PON3: variants seen among roughly 807,000 people sequenced by gnomAD.
PON3 encodes the protein paraoxonase 3, also known as serum paraoxonase/lactonase 3.
PON3 carries 37 observed loss-of-function variants against 36.3 expected under a neutral mutation model. The ratio of observed to expected loss-of-function variants is 1.02; its 90% CI spans 0.78 to 1.34. The LOEUF is 1.34. Ranked by LOEUF, PON3 falls within the 40% of genes most tolerant of loss-of-function variation. The probability of loss-of-function intolerance (pLI) is 0.00; values close to 1 mark genes in which losing one functional copy is unlikely to be tolerated. For missense variants in PON3, 415 were observed against 426.5 expected (o/e 0.97, Z 0.24); for synonymous variants, 155 against 154.8 (o/e 1.00, Z -0.01).
intron 5 of PON3, among the ~76,000 whole-genome samples, chr7:95,367,060 G>A (rs972547399): frequency 1.8e-4 from 28 of 152,196 alleles, no homozygotes; most frequent in African/African-American, 5.1e-4. Flanking sequence ...AACAGAGACC[G>A]ATAGTAGGTA....
intron 3 of PON3, among the ~76,000 whole-genome samples, chr7:95,378,967 T>TAA (rs771826546): frequency 1.3e-5 from 2 of 151,670 alleles, no homozygotes; most frequent in South Asian, 4.2e-4. Flanking sequence ...GCAAATTGGA[T>TAA]AGAGTCAAGA....
Position 95,390,210 on chromosome 7 carries a change from C to G in PON3, c.146-1G>C, listed in dbSNP as rs1191905203. On this transcript the variant is annotated splice_acceptor_variant, in intron 2 of 8. Coordinates refer to ENST00000265627, the MANE Select transcript of PON3 (RefSeq NM_000940.3). LOFTEE classifies it high-confidence loss of function. ...ATATCAATATCTTCAGAGCCACTTT[C>G]TGCAAAAGAAGGGTAGAATCAGAAA... 1.2e-6 allele frequency: 2 copies of G among 1,610,104 alleles called. No homozygotes were observed. Among genetic ancestry groups the G allele is most frequent in the East Asian group, 4.5e-5 (2 of 44,864 alleles).
In PON3 at chr7:95,378,729, G is replaced by A. The variant is rs574153790; in HGVS notation, c.202-6391C>T. Among the ~76,000 whole-genome samples, 227 of 152,254 alleles carry A rather than the reference G, an allele frequency of 1.5e-3. 1 individual carries two copies. Among genetic ancestry groups the A allele is most frequent in the Middle Eastern group, 6.8e-3 (2 of 294 alleles). On this transcript the variant is annotated intron_variant, in intron 3 of 8. Transcript: ENST00000265627. ...GAGAGATTCTGTCACTGCCAGGCCT[G>A]CCTTACAAGAGCTCCTGAAGGAAGC...
At chr7:95,379,284 G>A (rs1286155689) in intron 3 of PON3, among the ~76,000 whole-genome samples, 1 of 152,250 alleles carries the variant, frequency 6.6e-6, no homozygotes, top group East Asian at 1.9e-4. Context: ...GAGCGACACA[G>A]AAGACTGGTG....
Position 95,396,361 on chromosome 7 carries a change from T to G in PON3, c.-11A>C. Reference sequence around the variant, plus strand: ...CACGAGCTTCCCCATGGTCTCGGGGTGCCCAGCGGCGACTGCGCGGCGCCG... The same window carrying G: ...CACGAGCTTCCCCATGGTCTCGGGGGGCCCAGCGGCGACTGCGCGGCGCCG... On this transcript the variant is annotated 5_prime_UTR_variant, in exon 1 of 9. Transcript: ENST00000265627. 1 of 1,612,904 alleles carries G rather than the reference T, an allele frequency of 6.2e-7. No individual in the cohort carries two copies. The highest frequency in any genetic ancestry group is 8.5e-7 in the Non-Finnish European group (1 of 1,179,490).
chr7:95,388,240 A>G (rs752142821), intron 3 of PON3, among the ~76,000 whole-genome samples: 8 of 152,228 alleles, frequency 5.3e-5, no homozygotes, highest in African/African-American at 9.7e-5. Context: ...AAACAAATTT[A>G]CAAGAAAAAA....
chr7:95,387,661 C>T (rs1809227260), intron 3 of PON3, among the ~76,000 whole-genome samples: 2 of 152,258 alleles, frequency 1.3e-5, no homozygotes, highest in East Asian at 1.9e-4. Flanking sequence ...CAAATAAGGG[C>T]CCGCATAGCC....
chr7:95,367,291 G>A (rs943423851), intron 5 of PON3, 71 bp downstream of exon 5: 18 of 1,579,574 alleles, frequency 1.1e-5, no homozygotes, highest in East Asian at 1.1e-4. Flanking sequence ...AAAGCCTGCT[G>A]AACCAAAAAA....
chr7:95,362,708 A>G (rs1808599333), intron 7 of PON3, 52 bp downstream of exon 7: 2 of 1,490,466 alleles, frequency 1.3e-6, no homozygotes, highest in Admixed American at 1.7e-5. Flanking sequence ...TGGGTCAAGT[A>G]TGGGACTAAG....
intron 2 of PON3, among the ~76,000 whole-genome samples, chr7:95,390,599 G>T (rs1809297023): frequency 6.6e-6 from 1 of 152,114 alleles, no homozygotes; most frequent in Non-Finnish European, 1.5e-5. Flanking sequence ...TAATCGTGAA[G>T]GTCTTTTATT....
At chr7:95,385,101 G>A (rs1003283361) in intron 3 of PON3, among the ~76,000 whole-genome samples, 7 of 152,004 alleles carry the variant, frequency 4.6e-5, no homozygotes, top group East Asian at 1.9e-4. Flanking sequence ...ACTATCGCAA[G>A]GACAAAAAAC....
chr7:95,386,718 T>C (rs1207945035), intron 3 of PON3, among the ~76,000 whole-genome samples: 1 of 152,168 alleles, frequency 6.6e-6, no homozygotes, highest in Non-Finnish European at 1.5e-5. Context: ...TGAACATTGA[T>C]GCGAAAATCC....
intron 3 of PON3, among the ~76,000 whole-genome samples, chr7:95,386,599 A>G (rs1218708533): frequency 6.6e-6 from 1 of 152,180 alleles, no homozygotes; most frequent in East Asian, 1.9e-4. Flanking sequence ...TCCAATCAAT[A>G]GAAAAGAAGG....
chr7:95,387,206 G>T (rs1440960547), intron 3 of PON3, among the ~76,000 whole-genome samples: 1 of 152,146 alleles, frequency 6.6e-6, no homozygotes, highest in Non-Finnish European at 1.5e-5. Context: ...GTCTCTGTCT[G>T]CAGATGACAT....
At chr7:95,369,489 T>C (rs187456430) in intron 4 of PON3, among the ~76,000 whole-genome samples, 12 of 152,254 alleles carry the variant, frequency 7.9e-5, no homozygotes, top group Admixed American at 5.9e-4. Flanking sequence ...AAGTTACTAC[T>C]GTAGGCTGGG....
intron 2 of PON3, among the ~76,000 whole-genome samples, chr7:95,392,299 A>G (rs1809336080): frequency 6.6e-6 from 1 of 152,214 alleles, no homozygotes; most frequent in African/African-American, 2.4e-5. Context: ...GCTTCCAACT[A>G]TTTAAGCCAT....
intron 3 of PON3, among the ~76,000 whole-genome samples, chr7:95,377,098 C>T (rs1808934300): frequency 6.6e-6 from 1 of 152,208 alleles, no homozygotes; most frequent in Admixed American, 6.5e-5. Flanking sequence ...AAATTCCCTC[C>T]CGTGTCTGGC....
chr7:95,360,217 T>C (rs546047433), intron 8 of PON3, 86 bp from the exon 9 acceptor site: 2 of 1,311,644 alleles, frequency 1.5e-6, no homozygotes, highest in African/African-American at 1.4e-5. Context: ...AGGATAAATC[T>C]ATTTTTCAGA....
intron 6 of PON3, chr7:95,363,485 C>T (rs1407995362): frequency 7.1e-6 from 2 of 281,024 alleles, no homozygotes; most frequent in African/African-American, 4.4e-5. Flanking sequence ...CCTTCCCTCT[C>T]TCCTAAGAGC....
Sources: allele counts gnomAD v4.1 joint callset (sites outside exome capture counted in the v4.1 genomes callset), GRCh38; gene constraint gnomAD v4.1.1; transcripts MANE v1.5; gene names NCBI Gene and HGNC (gene_info 2026-07-23, HGNC 2026-07-21).